Variants in EDA observed in about 807,000 individuals in gnomAD.
The protein encoded by EDA is ectodysplasin A.
A neutral mutation model predicts 23.6 loss-of-function variants in EDA; 2 were observed. The observed-to-expected ratio is 0.08, with a 90% CI of 0.03 to 0.27. The LOEUF (loss-of-function observed/expected upper bound fraction) is 0.27. Ranked by LOEUF, EDA falls within the 10% of genes least tolerant of loss-of-function variation. The pLI, the probability that EDA is intolerant of heterozygous loss-of-function variation, is 1.00. For synonymous variants in EDA, 131 were observed against 132.0 expected, an observed-to-expected ratio of 0.99 and a Z score of 0.05; for missense variants, 229 against 324.2, an observed-to-expected ratio of 0.71 and a Z score of 2.26.
chrX:70,035,304 C>G, intron 7 of EDA, 54 bp from the exon 8 acceptor site: 1 of 1,176,558 alleles, frequency 8.5e-7, no homozygotes, highest in Non-Finnish European at 1.1e-6. Context: ...AGGGAGGGCC[C>G]CCCACCCTCT....
intron 1 of EDA, among the ~76,000 whole-genome samples, chrX:69,714,047 G>A (rs1337894873): frequency 9.1e-6 from 1 of 110,095 alleles, no homozygotes; most frequent in Non-Finnish European, 1.9e-5. Flanking sequence ...ACCATGAATG[G>A]TTCTCTTTCT....
chrX:69,828,471 C>T (rs1162174889), intron 1 of EDA, among the ~76,000 whole-genome samples: 3 of 111,798 alleles, frequency 2.7e-5, no homozygotes, highest in African/African-American at 6.5e-5. Flanking sequence ...TTCCAGGTGC[C>T]GTTTGTCACC....
intron 1 of EDA, among the ~76,000 whole-genome samples, chrX:69,655,408 A>G (rs1933273775): frequency 9.0e-6 from 1 of 110,702 alleles, no homozygotes; most frequent in Admixed American, 9.6e-5. Context: ...CAAACAAGCA[A>G]TCAAAAAGAC....
intron 2 of EDA, among the ~76,000 whole-genome samples, chrX:69,999,287 G>A (rs2019705730): frequency 9.0e-6 from 1 of 110,881 alleles, no homozygotes; most frequent in Admixed American, 9.6e-5. Flanking sequence ...TTTCTACCAG[G>A]GAGAAAAAAG....
At chrX:69,837,121 A>G (rs1420243907) in intron 1 of EDA, among the ~76,000 whole-genome samples, 1 of 111,892 alleles carries the variant, frequency 8.9e-6, no homozygotes, top group African/African-American at 3.2e-5. Context: ...CATGCATAAT[A>G]ATCACATCGG....
chrX:70,026,026 G>A (rs1356711126), intron 3 of EDA, among the ~76,000 whole-genome samples: 1 of 112,264 alleles, frequency 8.9e-6, no homozygotes, highest in African/African-American at 3.2e-5. Flanking sequence ...GGGAGGACCT[G>A]ATAAATCAGG....
intron 1 of EDA, among the ~76,000 whole-genome samples, chrX:69,796,244 A>G: frequency 9.0e-6 from 1 of 111,637 alleles, no homozygotes; most frequent in Non-Finnish European, 1.9e-5. Flanking sequence ...ACCAACTACT[A>G]ACATCTGAGT....
At chrX:69,622,365 C>T (rs1245403166) in intron 1 of EDA, among the ~76,000 whole-genome samples, 5 of 112,346 alleles carry the variant, frequency 4.5e-5, no homozygotes, top group Non-Finnish European at 9.4e-5. Flanking sequence ...CACATTCTTA[C>T]TAACACTTGG....
intron 1 of EDA, among the ~76,000 whole-genome samples, chrX:69,930,475 A>AT (rs1331759331): frequency 1.8e-5 from 2 of 110,504 alleles, no homozygotes; most frequent in Admixed American, 1.9e-4. Flanking sequence ...CCAATTCATG[A>AT]TTTAAAAAAA....
chrX:69,713,970 A>T (rs2012205919), intron 1 of EDA, among the ~76,000 whole-genome samples: 1 of 107,955 alleles, frequency 9.3e-6, no homozygotes, highest in African/African-American at 3.4e-5. Context: ...ACAATAATTT[A>T]TAATTTTACT....
intron 1 of EDA, among the ~76,000 whole-genome samples, chrX:69,632,343 C>T (rs1220304249): frequency 8.9e-6 from 1 of 111,932 alleles, no homozygotes; most frequent in East Asian, 2.8e-4. Context: ...GCAATTACCT[C>T]AAGTCTCTTG....
intron 1 of EDA, among the ~76,000 whole-genome samples, chrX:69,906,310 C>T (rs2018176381): frequency 8.9e-6 from 1 of 112,484 alleles, no homozygotes; most frequent in Non-Finnish European, 1.9e-5. Context: ...CACAAAGTTA[C>T]ATTTGCATAA....
intron 1 of EDA, among the ~76,000 whole-genome samples, chrX:69,625,587 C>A (rs952332096): frequency 9.0e-6 from 1 of 110,813 alleles, no homozygotes; most frequent in Non-Finnish European, 1.9e-5. Context: ...AAAAGATACC[C>A]TGTTCAATAA....
chrX:69,655,162 G>A (rs1158862870), intron 1 of EDA, among the ~76,000 whole-genome samples: 1 of 111,746 alleles, frequency 8.9e-6, no homozygotes, highest in African/African-American at 3.3e-5. Context: ...TTGGGAGGCC[G>A]AGTTGGGCAG....
At chrX:69,827,843 G>T (rs766013007) in intron 1 of EDA, among the ~76,000 whole-genome samples, 21 of 111,488 alleles carry the variant, frequency 1.9e-4, no homozygotes, top group Non-Finnish European at 3.8e-4. Flanking sequence ...ATCTACTTTT[G>T]GTCTTTGATG....
At chrX:69,904,164 T>C (rs1470451291) in intron 1 of EDA, among the ~76,000 whole-genome samples, 5 of 111,707 alleles carry the variant, frequency 4.5e-5, no homozygotes, top group African/African-American at 1.3e-4. Flanking sequence ...ATCAGGGTAA[T>C]TGGAATATCA....
At chrX:70,034,302 G>A (rs762581540) in intron 7 of EDA, among the ~76,000 whole-genome samples, 1 of 111,791 alleles carries the variant, frequency 8.9e-6, no homozygotes, top group African/African-American at 3.2e-5. Flanking sequence ...ACATGAGAGC[G>A]GCCAGAGAAG....
chrX:69,712,311 C>T, intron 1 of EDA, among the ~76,000 whole-genome samples: 1 of 111,307 alleles, frequency 9.0e-6, no homozygotes, highest in East Asian at 2.8e-4. Context: ...ATTTTGGTTT[C>T]CACATGTTAA....
intron 1 of EDA, among the ~76,000 whole-genome samples, chrX:69,711,778 C>G (rs190447103): frequency 2.7e-5 from 3 of 111,467 alleles, no homozygotes; most frequent in East Asian, 5.6e-4. Flanking sequence ...AGTTTATTTG[C>G]GTAGAGGTGT....
Sources: allele counts gnomAD v4.1 joint callset (sites outside exome capture counted in the v4.1 genomes callset), GRCh38; gene constraint gnomAD v4.1.1; transcripts MANE v1.5; gene names NCBI Gene and HGNC (gene_info 2026-07-23, HGNC 2026-07-21).